GC: variants seen among roughly 807,000 people sequenced by gnomAD.
GC encodes vitamin D-binding protein.
A neutral mutation model predicts 56.7 loss-of-function variants in GC; 43 were observed. That is an observed-to-expected ratio of 0.76 (90% CI 0.59 to 0.98). GC has a LOEUF of 0.98. Among genes scored for constraint, GC ranks in the 50% least tolerant of loss-of-function variants. The probability of loss-of-function intolerance (pLI) is 0.00; values close to 1 mark genes in which losing one functional copy is unlikely to be tolerated. For synonymous variants in GC, 216 were observed against 202.7 expected (o/e 1.07, Z -0.56); for missense variants, 529 against 545.9 (o/e 0.97, Z 0.31).
chr4:71,780,625 A>G (rs199727737), intron 1 of GC, among the ~76,000 whole-genome samples: 1 of 152,186 alleles, frequency 6.6e-6, no homozygotes, highest in Non-Finnish European at 1.5e-5. Flanking sequence ...CAAAAAACAC[A>G]TGAAAAAAAT....
At position 71,757,199 on chromosome 4, in the gene GC, TA is replaced by T. The variant is rs1741806678; in HGVS notation, c.832-286del. ...AGTGCAACGATTGCCTAAAATATTT[TA>T]AAAAAACCAACACAACCTAAATACA... On this transcript the variant is annotated intron_variant, in intron 7 of 12. Transcript: ENST00000273951. Among the ~76,000 whole-genome samples, 3 of 152,174 alleles carry T rather than the reference TA, an allele frequency of 2.0e-5. No homozygotes were observed. In the South Asian group the frequency reaches 6.2e-4, roughly 32 times the overall value.
intron 1 of GC, among the ~76,000 whole-genome samples, chr4:71,803,608 T>C (rs1379623551): frequency 6.6e-6 from 1 of 152,182 alleles, no homozygotes; most frequent in East Asian, 1.9e-4. Flanking sequence ...TATTTACTTT[T>C]GGTGATCTTA....
chr4:71,801,507 A>G (rs1003912340), intron 1 of GC, among the ~76,000 whole-genome samples: 1 of 152,136 alleles, frequency 6.6e-6, no homozygotes, highest in African/African-American at 2.4e-5. Context: ...TTTGACACAT[A>G]GAGAGCCAGG....
intron 1 of GC, among the ~76,000 whole-genome samples, chr4:71,772,472 T>G (rs1166103652): frequency 2.0e-5 from 3 of 152,198 alleles, no homozygotes; most frequent in African/African-American, 7.2e-5. Flanking sequence ...AATGTAAAGT[T>G]TCATTTCATA....
chr4:71,797,791 C>A (rs549327576), intron 1 of GC, among the ~76,000 whole-genome samples: 1 of 152,210 alleles, frequency 6.6e-6, no homozygotes, highest in Non-Finnish European at 1.5e-5. Flanking sequence ...TGTTCCCATT[C>A]GGCCATCTTG....
chr4:71,768,234 G>A lies in GC; in HGVS notation c.261+67C>T, dbSNP rs1022917451. ...GCTGTCTAAAATTTTTTCAACACGT[G>A]GTATAAAGGCCTATTTTGGCTTCCT... is the stretch of plus-strand genomic sequence containing the variant. On this transcript the variant is annotated intron_variant, in intron 3 of 12. Transcript: ENST00000273951. 4.4e-6 allele frequency: 6 copies of A among 1,355,356 alleles called. No homozygotes were observed. The African/African-American group carries it at 7.5e-5, about 17-fold the overall frequency. The allele number at this position is 1,355,356 out of a possible 1,614,324, so 84.0% of individuals were successfully genotyped here. A position where few individuals can be genotyped will look rare whatever the true frequency, so the allele number is the denominator to read the frequency against.
intron 1 of GC, among the ~76,000 whole-genome samples, chr4:71,800,295 T>C (rs1034419263): frequency 3.3e-5 from 5 of 152,092 alleles, no homozygotes; most frequent in African/African-American, 1.2e-4. Flanking sequence ...TGTATCCTCA[T>C]TGTTCAGCTC....
intron 1 of GC, chr4:71,803,913 T>C: frequency 6.8e-7 from 1 of 1,460,774 alleles, no homozygotes; most frequent in Non-Finnish European, 9.3e-7. Context: ...TATTTGGAAT[T>C]AGAACGCAGT....
upstream of GC, among the ~76,000 whole-genome samples, chr4:71,787,314 G>T (rs896296139): frequency 6.6e-6 from 1 of 151,848 alleles, no homozygotes; most frequent in Non-Finnish European, 1.5e-5. Context: ...TTAAAATTAG[G>T]TACGGTTGAA....
chr4:71,784,093 T>C, upstream of GC: 1 of 1,541,110 alleles, frequency 6.5e-7, no homozygotes, highest in South Asian at 1.3e-5. Flanking sequence ...CAAAAGTAAT[T>C]GGTTTCCTTT....
intron 1 of GC, among the ~76,000 whole-genome samples, chr4:71,798,062 T>G (rs555295687): frequency 8.5e-4 from 129 of 152,362 alleles, no homozygotes; most frequent in South Asian, 8.3e-4. Context: ...TCAGTTGGGA[T>G]AGTTCTTATT....
chr4:71,750,656 G>A (rs925571062), intron 11 of GC, among the ~76,000 whole-genome samples: 2 of 151,990 alleles, frequency 1.3e-5, no homozygotes, highest in Non-Finnish European at 2.9e-5. Context: ...AGGCTGAGGC[G>A]GGTGGATCAC....
upstream of GC, chr4:71,804,159 G>T (rs2149312164): frequency 1.7e-6 from 1 of 591,870 alleles, no homozygotes; most frequent in South Asian, 2.0e-5. Context: ...GAAAGGAATA[G>T]TCAGACACAG....
upstream of GC, among the ~76,000 whole-genome samples, chr4:71,788,195 G>A (rs562835112): frequency 3.0e-4 from 36 of 118,776 alleles, no homozygotes; most frequent in South Asian, 6.3e-4. Flanking sequence ...TCTGTAATTC[G>A]TTTATGCTCA....
chr4:71,789,756 C>T (rs1742925987), intron 1 of GC, among the ~76,000 whole-genome samples: 2 of 151,732 alleles, frequency 1.3e-5, no homozygotes, highest in South Asian at 4.2e-4. Context: ...AGGGATTTTC[C>T]TGGATTATTA....
chr4:71,786,010 TACAG>T (rs1742824757), upstream of GC: 1 of 151,870 alleles, frequency 6.6e-6, no homozygotes, highest in South Asian at 2.1e-4. Context: ...CGAATTTTGA[TACAG>T]AGTTTAAGAC....
At chr4:71,775,032 CTT>C (rs61069688) in intron 1 of GC, among the ~76,000 whole-genome samples, 1,396 of 138,640 alleles carry the variant, frequency 0.01, 3 homozygotes, top group African/African-American at 0.014. Context: ...TTCCCCGGCC[CTT>C]TTTTTTTTTT....
At chr4:71,757,818 A>G (rs960198402) in intron 7 of GC, among the ~76,000 whole-genome samples, 7 of 152,196 alleles carry the variant, frequency 4.6e-5, no homozygotes, top group Non-Finnish European at 8.8e-5. Context: ...TTGCATATGG[A>G]CTTTGCCACC....
chr4:71,759,933 C>T (rs774509866), intron 6 of GC, among the ~76,000 whole-genome samples: 1 of 152,022 alleles, frequency 6.6e-6, no homozygotes, highest in Non-Finnish European at 1.5e-5. Context: ...CTCTGTTCTG[C>T]CTGTCAAACT....
Sources: allele counts gnomAD v4.1 joint callset (sites outside exome capture counted in the v4.1 genomes callset), GRCh38; gene constraint gnomAD v4.1.1; transcripts MANE v1.5; gene names NCBI Gene and HGNC (gene_info 2026-07-23, HGNC 2026-07-21).